Variants in CPNE4 observed in about 807,000 individuals in gnomAD.
CPNE4 encodes copine-4.
Under a neutral mutation model 67.9 loss-of-function variants are expected in CPNE4, and 25 were observed. The observed-to-expected ratio is 0.37, with a 90% CI of 0.27 to 0.51. CPNE4 has a LOEUF of 0.51. Among genes scored for constraint, CPNE4 ranks in the 20% least tolerant of loss-of-function variants. CPNE4 has a pLI of 0.93. For synonymous variants in CPNE4, 242 were observed against 244.9 expected, an observed-to-expected ratio of 0.99 and a Z score of 0.11; for missense variants, 464 against 690.8, an observed-to-expected ratio of 0.67 and a Z score of 3.68.
In CPNE4 at chr3:131,698,775, T is replaced by C. The variant is rs2081221907; in HGVS notation, c.432+1134A>G. ...AAATACAAAAATTAGCTGGGTGTGG[T>C]GGTGGGCACCTGTAATCCCAGCTAC... On this transcript the variant is annotated intron_variant, in intron 4 of 15. Transcript: ENST00000429747. 2.0e-5 allele frequency among the ~76,000 whole-genome samples: 3 copies of C among 151,714 alleles called. No individual in the cohort carries two copies. In the South Asian group the frequency reaches 6.3e-4, roughly 32 times the overall value.
intron 2 of CPNE4, among the ~76,000 whole-genome samples, chr3:131,792,400 A>G (rs549364535): frequency 6.6e-6 from 1 of 151,764 alleles, no homozygotes; most frequent in Admixed American, 6.6e-5. Flanking sequence ...TGCCCTAAAC[A>G]TTACCATACC....
At chr3:131,776,010 A>G (rs1353580888) in intron 2 of CPNE4, among the ~76,000 whole-genome samples, 1 of 152,140 alleles carries the variant, frequency 6.6e-6, no homozygotes, top group East Asian at 1.9e-4. Context: ...AGCAGCAGAC[A>G]AACAGTTACT....
chr3:131,726,632 T>G (rs2082006851), intron 2 of CPNE4, among the ~76,000 whole-genome samples: 1 of 149,968 alleles, frequency 6.7e-6, no homozygotes, highest in African/African-American at 2.5e-5. Context: ...GATTGTTCAT[T>G]TCTCATTGAG....
chr3:131,939,510 G>C (rs1420981203), intron 1 of CPNE4, among the ~76,000 whole-genome samples: 1 of 128,670 alleles, frequency 7.8e-6, no homozygotes, highest in Non-Finnish European at 1.6e-5. Flanking sequence ...TGGAAGAGCT[G>C]GGTGGATGTG....
chr3:131,860,274 T>G (rs753999565), intron 2 of CPNE4, among the ~76,000 whole-genome samples: 29 of 152,214 alleles, frequency 1.9e-4, no homozygotes, highest in Admixed American at 3.9e-4. Flanking sequence ...TTATTGTTAC[T>G]AAGTGGCAAG....
rs2071791398 is a variant in CPNE4 at position 131,952,603 on chromosome 3, C to T, written c.-1-47159G>A. Among the ~76,000 whole-genome samples the T allele has an allele frequency of 1.0e-4, 6 of 57,576 alleles. No homozygotes were observed. In the South Asian group the frequency reaches 2.3e-3, roughly 22 times the overall value. The allele number at this position is 57,576 out of a possible 152,430, so 37.8% of individuals were successfully genotyped here. A position where few individuals can be genotyped will look rare whatever the true frequency, so the allele number is the denominator to read the frequency against. ...CAGCACCCCGCCCGGCCAGCCGCCCCGTCCGGAGGGAGGTGGGGGGGTCAG... is the reference window on the plus strand; with the variant it reads ...CAGCACCCCGCCCGGCCAGCCGCCCTGTCCGGAGGGAGGTGGGGGGGTCAG... On this transcript the variant is annotated intron_variant, in intron 1 of 15. Transcript: ENST00000429747.
At chr3:131,791,603 G>C (rs187425300) in intron 2 of CPNE4, among the ~76,000 whole-genome samples, 2 of 152,140 alleles carry the variant, frequency 1.3e-5, no homozygotes, top group East Asian at 3.8e-4. Flanking sequence ...TTGAAAAAGC[G>C]TAAGAAGTAT....
rs556616086 is a variant in CPNE4 at position 131,755,197 on chromosome 3, AT to A, written c.181-31573del. Among the ~76,000 whole-genome samples, 418 of 143,662 alleles carry A rather than the reference AT, an allele frequency of 2.9e-3. 1 individual carries two copies. The highest frequency in any genetic ancestry group is 7.4e-3 in the South Asian group (33 of 4,486). 94.2% of individuals were successfully genotyped at this position (143,662 alleles called of 152,430 possible). A position where few individuals can be genotyped will look rare whatever the true frequency, so the allele number is the denominator to read the frequency against. On this transcript the variant is annotated intron_variant, in intron 2 of 15. Transcript: ENST00000429747. ...AACTACCTAATAAATGGAATAGGTA[AT>A]TTTTTTTTTTTTTTGCTAGATACAT...
At chr3:131,746,969 A>C (rs1388867371) in intron 2 of CPNE4, among the ~76,000 whole-genome samples, 1 of 152,168 alleles carries the variant, frequency 6.6e-6, no homozygotes, top group Non-Finnish European at 1.5e-5. Flanking sequence ...CCATTCTAAC[A>C]GGAATGAGTA....
intron 2 of CPNE4, among the ~76,000 whole-genome samples, chr3:131,762,219 G>A (rs2082905425): frequency 6.6e-6 from 1 of 151,904 alleles, no homozygotes; most frequent in African/African-American, 2.4e-5. Context: ...CTCTCTCTCT[G>A]TATGTCAGAA....
At chr3:131,600,812 C>A (rs1939161568) in intron 7 of CPNE4, among the ~76,000 whole-genome samples, 1 of 152,156 alleles carries the variant, frequency 6.6e-6, no homozygotes, top group Non-Finnish European at 1.5e-5. Flanking sequence ...GCATAAACTT[C>A]TTTTACAGAC....
intron 2 of CPNE4, among the ~76,000 whole-genome samples, chr3:131,728,803 G>A (rs1046312805): frequency 1.3e-5 from 2 of 151,346 alleles, no homozygotes; most frequent in Admixed American, 6.6e-5. Flanking sequence ...CCAGCTACTC[G>A]GGAGGCTGAG....
rs531662151 is a variant in CPNE4, at chr3:131,618,993, G to A, written c.682-31411C>T. On this transcript the variant is annotated intron_variant, in intron 7 of 15. Coordinates refer to ENST00000429747, the MANE Select transcript of CPNE4 (RefSeq NM_130808.3). Reference sequence around the variant, plus strand: ...GAAGAACAGTGTGGCAGGTGAACAGGTAAAAAGCATTGTGGACAAACTTGT... The same window carrying A: ...GAAGAACAGTGTGGCAGGTGAACAGATAAAAAGCATTGTGGACAAACTTGT... Among the ~76,000 whole-genome samples the A allele has an allele frequency of 3.3e-3, 496 of 152,304 alleles. 2 individuals carry two copies. The highest frequency in any genetic ancestry group is 0.011 in the African/African-American group (455 of 41,568).
chr3:131,969,369 A>G (rs904390460), intron 1 of CPNE4, among the ~76,000 whole-genome samples: 10 of 149,926 alleles, frequency 6.7e-5, no homozygotes, highest in African/African-American at 2.4e-4. Context: ...AACTTAAAAT[A>G]TTAAAAAAAA....
intron 6 of CPNE4, among the ~76,000 whole-genome samples, chr3:131,683,094 AT>A (rs756678138): frequency 1.4e-4 from 22 of 152,256 alleles, no homozygotes; most frequent in East Asian, 1.4e-3. Flanking sequence ...AAAGTCTTTA[AT>A]CGGGGACCCC....
intron 2 of CPNE4, among the ~76,000 whole-genome samples, chr3:131,886,509 G>A (rs138701882): frequency 1.3e-5 from 2 of 152,290 alleles, no homozygotes; most frequent in East Asian, 3.9e-4. Flanking sequence ...CGCCAGAGGA[G>A]CTGTGAGAAG....
intron 1 of CPNE4, among the ~76,000 whole-genome samples, chr3:132,021,436 A>G (rs1205165328): frequency 6.6e-6 from 1 of 152,088 alleles, no homozygotes; most frequent in Non-Finnish European, 1.5e-5. Context: ...GTTCCTGGAG[A>G]TGGCCAAATA....
chr3:131,585,676 A>G (rs181769578), intron 8 of CPNE4, among the ~76,000 whole-genome samples: 1 of 152,222 alleles, frequency 6.6e-6, no homozygotes, highest in Non-Finnish European at 1.5e-5. Context: ...GCAAAACTTT[A>G]TAAAACTTTT....
chr3:131,643,046 T>C (rs1230099053), intron 7 of CPNE4, among the ~76,000 whole-genome samples: 1 of 151,726 alleles, frequency 6.6e-6, no homozygotes, highest in African/African-American at 2.4e-5. Context: ...GTGAGAAAGT[T>C]TGAAACTTCC....
Sources: allele counts gnomAD v4.1 joint callset (sites outside exome capture counted in the v4.1 genomes callset), GRCh38; gene constraint gnomAD v4.1.1; transcripts MANE v1.5; gene names NCBI Gene and HGNC (gene_info 2026-07-23, HGNC 2026-07-21).